CARMIL1: variants seen among roughly 807,000 people sequenced by gnomAD.
The protein encoded by CARMIL1 is F-actin-uncapping protein LRRC16A.
Under a neutral mutation model 177.1 loss-of-function variants are expected in CARMIL1, and 90 were observed. The ratio of observed to expected loss-of-function variants is 0.51; its 90% CI spans 0.43 to 0.61. The LOEUF is 0.61. Ranked by LOEUF, CARMIL1 falls within the 20% of genes least tolerant of loss-of-function variation. CARMIL1 has a pLI of 0.00. For missense variants in CARMIL1, 1,380 were observed against 1,667.0 expected (o/e 0.83, Z 3.00); for synonymous variants, 577 against 606.2 (o/e 0.95, Z 0.71).
chr6:25,303,983 G>A (rs1340279228), intron 2 of CARMIL1, among the ~76,000 whole-genome samples: 1 of 152,182 alleles, frequency 6.6e-6, no homozygotes, highest in Non-Finnish European at 1.5e-5. Flanking sequence ...AATGTTTAAG[G>A]TAATTTCAGA....
At chr6:25,542,683 G>A (rs1241456532) in intron 26 of CARMIL1, among the ~76,000 whole-genome samples, 2 of 152,018 alleles carry the variant, frequency 1.3e-5, no homozygotes, top group South Asian at 4.2e-4. Flanking sequence ...TTAATTAAAT[G>A]TATTTTAAAA....
chr6:25,319,834 T>A (rs1784553234), intron 2 of CARMIL1, among the ~76,000 whole-genome samples: 1 of 148,292 alleles, frequency 6.7e-6, no homozygotes, highest in African/African-American at 2.5e-5. Context: ...AGTGGAGAGA[T>A]CTCAGCTTAC....
intron 2 of CARMIL1, among the ~76,000 whole-genome samples, chr6:25,394,474 G>A (rs1009962620): frequency 3.9e-5 from 6 of 152,166 alleles, no homozygotes; most frequent in Admixed American, 3.3e-4. Flanking sequence ...TTGTTTGCTT[G>A]CTTTTAATCT....
intron 22 of CARMIL1, 143 bp downstream of exon 22, chr6:25,517,558 A>G (rs1806126571): frequency 1.6e-6 from 1 of 622,158 alleles, no homozygotes. Flanking sequence ...CTAACCAGCT[A>G]TGGGATCTTG....
At chr6:25,484,112 CCCT>C (rs764074010) in intron 12 of CARMIL1, among the ~76,000 whole-genome samples, 5 of 152,186 alleles carry the variant, frequency 3.3e-5, no homozygotes, top group African/African-American at 7.2e-5. Context: ...TCTCACCACA[CCCT>C]GTATGACTAG....
rs780560257 is a variant in CARMIL1 at position 25,471,207 on chromosome 6, T to G, written c.729T>G (p.Ser243Arg). ...DVCEQILRVV[S>R]RSNRLEELVL... ...GTGAACAGATCTTGAGGGTGGTGAG[T>G]AGGTCCAATCGACTGGAAGAATTGG... Residue 243 changes from serine (S) to arginine (R), a missense_variant, in exon 10 of 37, where the codon AGT (serine) becomes AGG (arginine). Coordinates refer to ENST00000329474, the MANE Select transcript of CARMIL1 (RefSeq NM_017640.6). 1.9e-6 allele frequency: 3 copies of G among 1,613,184 alleles called. No homozygotes were observed. Among genetic ancestry groups the G allele is most frequent in the Non-Finnish European group, 2.5e-6 (3 of 1,179,542 alleles).
At chr6:25,524,119 A>G (rs769037361) in intron 23 of CARMIL1, among the ~76,000 whole-genome samples, 10 of 152,192 alleles carry the variant, frequency 6.6e-5, no homozygotes, top group Non-Finnish European at 1.3e-4. Flanking sequence ...AAACTACTTT[A>G]GTAGGACCTT....
intron 2 of CARMIL1, among the ~76,000 whole-genome samples, chr6:25,385,611 G>C (rs1792071585): frequency 6.6e-6 from 1 of 152,196 alleles, no homozygotes; most frequent in Non-Finnish European, 1.5e-5. Context: ...GGGATAAATA[G>C]ATACCAAATA....
chr6:25,398,293 A>G (rs1793599257), intron 2 of CARMIL1, among the ~76,000 whole-genome samples: 2 of 152,208 alleles, frequency 1.3e-5, no homozygotes, highest in Non-Finnish European at 1.5e-5. Context: ...ATTCACAACT[A>G]TGATAAGCCT....
intron 29 of CARMIL1, among the ~76,000 whole-genome samples, chr6:25,562,657 G>A (rs1811230802): frequency 6.6e-6 from 1 of 152,172 alleles, no homozygotes; most frequent in Non-Finnish European, 1.5e-5. Flanking sequence ...TTTCTAGAAA[G>A]AGATGAATCC....
In CARMIL1 at chr6:25,509,887, T is replaced by G; in HGVS notation, c.1477+150T>G. 2 of 597,680 alleles carry G rather than the reference T, an allele frequency of 3.3e-6. No homozygotes were observed. Among genetic ancestry groups the G allele is most frequent in the Non-Finnish European group, 5.8e-6 (2 of 342,210 alleles). The allele number at this position is 597,680 out of a possible 1,614,324, so 37.0% of individuals were successfully genotyped here. ...CTAATAGGGCTTTTAAATTTAACAA[T>G]GGGGTATATTTGTAGAATAGATCTG... On this transcript the variant is annotated intron_variant, in intron 18 of 36. Transcript: ENST00000329474. The surrounding 1 kb of genome is among the most constrained non-coding windows in gnomAD (Gnocchi z 4.1).
chr6:25,563,819 G>A, intron 29 of CARMIL1: 11 of 985,364 alleles, frequency 1.1e-5, no homozygotes, highest in Non-Finnish European at 1.3e-5. Flanking sequence ...ACTTGAATTT[G>A]CTTGGATGCT....
intron 2 of CARMIL1, among the ~76,000 whole-genome samples, chr6:25,386,214 G>C (rs1206074332): frequency 6.6e-6 from 1 of 152,158 alleles, no homozygotes. Context: ...TATGATATAA[G>C]GACATGGAAT....
chr6:25,390,316 A>ATTTT lies in CARMIL1; in HGVS notation c.139-29797_139-29796insTTTT, dbSNP rs1316087000. Among the ~76,000 whole-genome samples the ATTTT allele has an allele frequency of 2.1e-3, 89 of 42,200 alleles. 1 individual carries two copies. The highest frequency in any genetic ancestry group is 3.2e-3 in the African/African-American group (33 of 10,310). The allele number at this position is 42,200 out of a possible 152,430, so 27.7% of individuals were successfully genotyped here. On this transcript the variant is annotated intron_variant, in intron 2 of 36. Transcript: ENST00000329474. ...TACATATATATATATATATATATAT[A>ATTTT]TATATTTTTTTTTTTTTTTTTTTGA...
At chr6:25,353,309 A>G (rs529870695) in intron 2 of CARMIL1, among the ~76,000 whole-genome samples, 7 of 152,292 alleles carry the variant, frequency 4.6e-5, no homozygotes, top group Admixed American at 1.3e-4. Context: ...TATTATCCCT[A>G]TTATTCAGAT....
In CARMIL1 at chr6:25,378,537, G is replaced by T. The variant is rs140645224; in HGVS notation, c.139-41577G>T. Among the ~76,000 whole-genome samples the T allele has an allele frequency of 7.6e-3, 1,154 of 152,298 alleles. 12 individuals are homozygous for T. The highest frequency in any genetic ancestry group is 0.026 in the African/African-American group (1,075 of 41,566). On this transcript the variant is annotated intron_variant, in intron 2 of 36. Coordinates refer to ENST00000329474, the MANE Select transcript of CARMIL1 (RefSeq NM_017640.6). The stretch of plus-strand genomic sequence containing the variant: ...CAAGGTCCCCTGTGAGGTAGGATCA[G>T]CAGTGGCTTCCCTCTGTCCTTGCTG...
At chr6:25,619,337 GC>G in intron 36 of CARMIL1, 109 bp from the exon 37 acceptor site, 2 of 1,055,988 alleles carry the variant, frequency 1.9e-6, no homozygotes, top group Non-Finnish European at 1.3e-6. Context: ...GTTCACCCTG[GC>G]CCCCTCCCCT....
intron 2 of CARMIL1, among the ~76,000 whole-genome samples, chr6:25,286,332 T>C (rs1318883085): frequency 1.3e-5 from 2 of 152,268 alleles, no homozygotes; most frequent in East Asian, 3.8e-4. Flanking sequence ...TTGTGATGGA[T>C]GACTTCTGTT....
At chr6:25,556,921 TA>T (rs57318254) in intron 29 of CARMIL1, 71 bp downstream of exon 29, 7 of 1,355,206 alleles carry the variant, frequency 5.2e-6, no homozygotes, top group Middle Eastern at 1.9e-4. Context: ...TTTTTTTTTT[TA>T]AATCTCACCT....
Sources: allele counts gnomAD v4.1 joint callset (sites outside exome capture counted in the v4.1 genomes callset), GRCh38; gene constraint gnomAD v4.1.1; non-coding constraint Gnocchi (gnomAD v3.1); transcripts MANE v1.5; gene names NCBI Gene and HGNC (gene_info 2026-07-23, HGNC 2026-07-21).